Variants in MARCHF3 observed in about 807,000 individuals in gnomAD.
MARCHF3 encodes the protein membrane associated ring-CH-type finger 3, also known as E3 ubiquitin-protein ligase MARCHF3.
A neutral mutation model predicts 24.2 loss-of-function variants in MARCHF3; 13 were observed. The ratio of observed to expected loss-of-function variants is 0.54; its 90% CI spans 0.35 to 0.85. The LOEUF is 0.85. MARCHF3 is among the 40% of genes least tolerant of loss of function. The pLI, the probability that MARCHF3 is intolerant of heterozygous loss-of-function variation, is 0.01. For missense variants in MARCHF3, 276 were observed against 325.0 expected (o/e 0.85, Z 1.16); for synonymous variants, 144 against 137.3 (o/e 1.05, Z -0.34).
intron 1 of MARCHF3, among the ~76,000 whole-genome samples, chr5:127,022,233 C>T (rs1042111014): frequency 9.2e-5 from 14 of 152,112 alleles, no homozygotes; most frequent in South Asian, 8.3e-4. Flanking sequence ...AATATCCCAT[C>T]GGAAAATCAC....
chr5:126,969,787 A>G (rs1750937589), intron 1 of MARCHF3, among the ~76,000 whole-genome samples: 1 of 152,172 alleles, frequency 6.6e-6, no homozygotes, highest in Non-Finnish European at 1.5e-5. Flanking sequence ...CTGCTACAGG[A>G]GGCTGGGGTG....
intron 1 of MARCHF3, among the ~76,000 whole-genome samples, chr5:127,008,935 A>G (rs1752398310): frequency 6.9e-6 from 1 of 145,136 alleles, no homozygotes; most frequent in African/African-American, 2.6e-5. Flanking sequence ...ATTTATTTTT[A>G]ACCTTGCAGC....
intron 3 of MARCHF3, among the ~76,000 whole-genome samples, chr5:126,879,297 A>G (rs1753273662): frequency 2.0e-5 from 3 of 152,178 alleles, no homozygotes; most frequent in Admixed American, 2.0e-4. Context: ...AACCATAAGT[A>G]TAACAGTTTT....
intron 3 of MARCHF3, among the ~76,000 whole-genome samples, chr5:126,895,176 C>G (rs1753833270): frequency 6.6e-6 from 1 of 152,076 alleles, no homozygotes; most frequent in Admixed American, 6.6e-5. Context: ...CCTTTAAGCA[C>G]TTCTCTGTAT....
At chr5:126,985,593 C>T (rs533101620) in intron 1 of MARCHF3, among the ~76,000 whole-genome samples, 22 of 151,890 alleles carry the variant, frequency 1.4e-4, no homozygotes, top group East Asian at 3.9e-4. Flanking sequence ...CCTCACCTCC[C>T]GAATAGCTGG....
chr5:126,868,762 T>C lies in MARCHF3; in HGVS notation c.*1871A>G, dbSNP rs1446749125. 6.6e-6 allele frequency: 1 copy of C among 152,208 alleles called. No individual in the cohort carries two copies. The highest frequency in any genetic ancestry group is 1.5e-5 in the Non-Finnish European group (1 of 68,060). The allele number at this position is 152,208 out of a possible 1,614,324, so 9.4% of individuals were successfully genotyped here. A position where few individuals can be genotyped will look rare whatever the true frequency, so the allele number is the denominator to read the frequency against. On this transcript the variant is annotated 3_prime_UTR_variant, in exon 5 of 5. Coordinates refer to ENST00000308660, the MANE Select transcript of MARCHF3 (RefSeq NM_178450.5). ...CTGGGTGGACGTCATTTATTAAGTATATTACAGGGCTGCAATTCACCAGCT... is the reference window on the plus strand; with the variant it reads ...CTGGGTGGACGTCATTTATTAAGTACATTACAGGGCTGCAATTCACCAGCT...
At chr5:126,915,825 C>T (rs1481241769) in intron 2 of MARCHF3, among the ~76,000 whole-genome samples, 1 of 152,196 alleles carries the variant, frequency 6.6e-6, no homozygotes, top group African/African-American at 2.4e-5. Context: ...ATAAAGGCAG[C>T]TTAGTGTAGT....
chr5:127,020,009 G>T (rs1356161972), intron 1 of MARCHF3, among the ~76,000 whole-genome samples: 2 of 152,146 alleles, frequency 1.3e-5, no homozygotes, highest in Non-Finnish European at 2.9e-5. Flanking sequence ...TAGTCACCCA[G>T]AAAAGCCCAA....
intron 1 of MARCHF3, among the ~76,000 whole-genome samples, chr5:126,965,840 A>C (rs779538175): frequency 6.6e-6 from 1 of 152,234 alleles, no homozygotes; most frequent in Non-Finnish European, 1.5e-5. Flanking sequence ...TTAAAAAGTT[A>C]AACATATATT....
chr5:126,908,082 G>C (rs370666314), intron 3 of MARCHF3, among the ~76,000 whole-genome samples: 4,322 of 151,868 alleles, frequency 0.028, 135 homozygotes, highest in South Asian at 0.13. Flanking sequence ...ACTTATGAAG[G>C]TTAGTTTGGC....
At chr5:126,896,155 G>A (rs1391860762) in intron 3 of MARCHF3, among the ~76,000 whole-genome samples, 2 of 152,242 alleles carry the variant, frequency 1.3e-5, no homozygotes, top group East Asian at 1.9e-4. Context: ...GCAATGCCTC[G>A]CCCTACTTCG....
intron 1 of MARCHF3, among the ~76,000 whole-genome samples, chr5:126,934,147 C>A (rs1749563752): frequency 1.3e-5 from 2 of 152,176 alleles, no homozygotes; most frequent in African/African-American, 4.8e-5. Context: ...CTTCCCTCCA[C>A]CTGACAGAAC....
chr5:126,941,541 A>G (rs146598247), intron 1 of MARCHF3, among the ~76,000 whole-genome samples: 95 of 152,324 alleles, frequency 6.2e-4, no homozygotes, highest in African/African-American at 2.2e-3. Flanking sequence ...AAGTCAAAGT[A>G]TGTGTCATAT....
At chr5:127,013,659 T>TC (rs1336844038) in intron 1 of MARCHF3, among the ~76,000 whole-genome samples, 1 of 152,136 alleles carries the variant, frequency 6.6e-6, no homozygotes, top group African/African-American at 2.4e-5. Flanking sequence ...ATGCATAACA[T>TC]AAACACAATC....
At chr5:126,964,788 C>T (rs1297754988) in intron 1 of MARCHF3, among the ~76,000 whole-genome samples, 1 of 152,012 alleles carries the variant, frequency 6.6e-6, no homozygotes, top group Non-Finnish European at 1.5e-5. Flanking sequence ...AGTGTGAGAC[C>T]AGCTGAACCA....
intron 1 of MARCHF3, among the ~76,000 whole-genome samples, chr5:126,995,865 G>A (rs1205746923): frequency 2.0e-5 from 3 of 152,320 alleles, no homozygotes; most frequent in Admixed American, 6.5e-5. Flanking sequence ...CAGATAACTC[G>A]AATGGAAGGC....
intron 1 of MARCHF3, among the ~76,000 whole-genome samples, chr5:127,018,285 C>T (rs1264387380): frequency 6.6e-6 from 1 of 152,008 alleles, no homozygotes; most frequent in Non-Finnish European, 1.5e-5. Context: ...GCAGGAGAAT[C>T]GCTTGAACCC....
intron 1 of MARCHF3, among the ~76,000 whole-genome samples, chr5:126,948,818 A>G (rs888703660): frequency 6.6e-6 from 1 of 152,190 alleles, no homozygotes; most frequent in African/African-American, 2.4e-5. Context: ...GTGATGCTGG[A>G]AAGGATGACT....
intron 1 of MARCHF3, among the ~76,000 whole-genome samples, chr5:126,997,575 A>G (rs1484762023): frequency 1.3e-5 from 2 of 152,212 alleles, no homozygotes; most frequent in African/African-American, 2.4e-5. Context: ...TGATACCCCA[A>G]GGTCGAAAGG....
Sources: gnomAD v4.1 joint callset for allele counts (sites outside exome capture counted in the v4.1 genomes callset) on GRCh38, gnomAD v4.1.1 for gene constraint, MANE v1.5 for transcripts, NCBI Gene and HGNC (gene_info 2026-07-23, HGNC 2026-07-21) for gene names.